The following UNC5C variants were observed in gnomAD, a reference collection of about 807,000 sequenced individuals.
UNC5C encodes netrin receptor UNC5C.
A neutral mutation model predicts 99.8 loss-of-function variants in UNC5C; 47 were observed. The ratio of observed to expected loss-of-function variants is 0.47; its 90% CI spans 0.37 to 0.60. The LOEUF is 0.60. UNC5C is among the 20% of genes least tolerant of loss of function. The probability of loss-of-function intolerance (pLI) is 0.00; values close to 1 mark genes in which losing one functional copy is unlikely to be tolerated. For synonymous variants in UNC5C, 487 were observed against 452.2 expected, an observed-to-expected ratio of 1.08 and a Z score of -0.98; for missense variants, 1,062 against 1,165.9, an observed-to-expected ratio of 0.91 and a Z score of 1.30.
intron 4 of UNC5C, among the ~76,000 whole-genome samples, chr4:95,271,372 C>A (rs1001556319): frequency 6.6e-6 from 1 of 151,668 alleles, no homozygotes; most frequent in Non-Finnish European, 1.5e-5. Context: ...GGACTACAGG[C>A]GCCCGCCACC....
In UNC5C at chr4:95,276,292, A is replaced by G. The variant is rs191885417; in HGVS notation, c.594+1967T>C. Among the ~76,000 whole-genome samples the G allele has an allele frequency of 3.9e-5, 6 of 152,312 alleles. No individual in the cohort carries two copies. In the East Asian group the frequency reaches 9.7e-4, roughly 25 times the overall value. On this transcript the variant is annotated intron_variant, in intron 4 of 15. Coordinates refer to ENST00000453304, the MANE Select transcript of UNC5C (RefSeq NM_003728.4). ...CTCTTCTGACTTTAAAAAATGAAAA[A>G]GAAATGCATATTAAATATAGTTCTT...
intron 1 of UNC5C, among the ~76,000 whole-genome samples, chr4:95,365,971 T>C (rs1311825660): frequency 6.6e-6 from 1 of 152,012 alleles, no homozygotes; most frequent in Non-Finnish European, 1.5e-5. Context: ...AATTATAAGC[T>C]GTAATATGCT....
At chr4:95,288,033 G>T (rs1741298420) in intron 3 of UNC5C, among the ~76,000 whole-genome samples, 1 of 149,982 alleles carries the variant, frequency 6.7e-6, no homozygotes, top group Non-Finnish European at 1.5e-5. Context: ...TGTCTTACAA[G>T]TCACATAGTC....
chr4:95,533,639 C>G (rs1395581019), intron 1 of UNC5C, among the ~76,000 whole-genome samples: 1 of 151,944 alleles, frequency 6.6e-6, no homozygotes, highest in Non-Finnish European at 1.5e-5. Flanking sequence ...CTTCTACATC[C>G]TCGATGAAGT....
intron 12 of UNC5C, among the ~76,000 whole-genome samples, chr4:95,197,942 T>G (rs760266859): frequency 6.6e-6 from 1 of 151,226 alleles, no homozygotes; most frequent in South Asian, 2.1e-4. Flanking sequence ...GGAGGGTTTT[T>G]GGACTGGGAA....
At chr4:95,542,074 G>A (rs536406627) in intron 1 of UNC5C, among the ~76,000 whole-genome samples, 4 of 152,166 alleles carry the variant, frequency 2.6e-5, no homozygotes, top group South Asian at 4.2e-4. Flanking sequence ...ATGACAACAT[G>A]ATTAATGAAG....
chr4:95,548,047 T>G (rs1048814633), intron 1 of UNC5C, among the ~76,000 whole-genome samples: 2 of 152,198 alleles, frequency 1.3e-5, no homozygotes, highest in Non-Finnish European at 1.5e-5. Context: ...GATTTTCATT[T>G]CTACATCCCC....
chr4:95,228,881 G>T (rs1348643381), intron 7 of UNC5C, among the ~76,000 whole-genome samples: 1 of 152,100 alleles, frequency 6.6e-6, no homozygotes, highest in East Asian at 1.9e-4. Flanking sequence ...TTTCCAAACA[G>T]TGTCTTCTGT....
intron 1 of UNC5C, among the ~76,000 whole-genome samples, chr4:95,357,032 T>C (rs1744228542): frequency 1.3e-5 from 2 of 152,312 alleles, no homozygotes; most frequent in South Asian, 4.1e-4. Flanking sequence ...GTAAGGTCTG[T>C]GACAACATTT....
At chr4:95,494,044 C>G (rs546239718) in intron 1 of UNC5C, among the ~76,000 whole-genome samples, 1 of 151,360 alleles carries the variant, frequency 6.6e-6, no homozygotes, top group Non-Finnish European at 1.5e-5. Context: ...ATTAAAACTG[C>G]AGGAATCAGT....
chr4:95,444,416 C>G (rs1410483539), intron 1 of UNC5C, among the ~76,000 whole-genome samples: 5 of 151,892 alleles, frequency 3.3e-5, no homozygotes, highest in African/African-American at 1.2e-4. Flanking sequence ...CTGCAGGATC[C>G]GCCCCCCTGG....
At chr4:95,339,752 C>G (rs1368414643) in intron 1 of UNC5C, among the ~76,000 whole-genome samples, 1 of 152,092 alleles carries the variant, frequency 6.6e-6, no homozygotes, top group South Asian at 2.1e-4. Flanking sequence ...CTGCATTGTG[C>G]TATCTGGGCA....
chr4:95,512,967 A>G (rs1182882072), intron 1 of UNC5C, among the ~76,000 whole-genome samples: 1 of 152,228 alleles, frequency 6.6e-6, no homozygotes, highest in African/African-American at 2.4e-5. Context: ...GATGCTCTGC[A>G]TCTACGTGCA....
intron 3 of UNC5C, among the ~76,000 whole-genome samples, chr4:95,290,424 T>G (rs1390637196): frequency 1.3e-5 from 2 of 152,040 alleles, no homozygotes; most frequent in Non-Finnish European, 2.9e-5. Context: ...TGCAGTTCCC[T>G]CTATAGTTTG....
intron 1 of UNC5C, among the ~76,000 whole-genome samples, chr4:95,387,139 CTCTTTT>C (rs1244284906): frequency 2.6e-5 from 4 of 152,030 alleles, no homozygotes; most frequent in African/African-American, 4.8e-5. Flanking sequence ...CACTCTCTCT[CTCTTTT>C]TATTTTTTTT....
At chr4:95,322,156 G>A (rs1428524244) in intron 2 of UNC5C, among the ~76,000 whole-genome samples, 3 of 152,176 alleles carry the variant, frequency 2.0e-5, no homozygotes, top group Non-Finnish European at 4.4e-5. Context: ...TAAAATTTAA[G>A]CAAAACCCAC....
At chr4:95,186,859 T>C (rs1046143166) in intron 12 of UNC5C, among the ~76,000 whole-genome samples, 6 of 152,206 alleles carry the variant, frequency 3.9e-5, no homozygotes, top group Middle Eastern at 3.4e-3. Context: ...TTGACACATA[T>C]GTTGTGTCAT....
chr4:95,189,115 T>A (rs975111929), intron 12 of UNC5C, among the ~76,000 whole-genome samples: 1 of 152,212 alleles, frequency 6.6e-6, no homozygotes, highest in Non-Finnish European at 1.5e-5. Context: ...GGCCTCTTTG[T>A]TCTCAGAAAC....
chr4:95,201,336 CT>C (rs1327825707), intron 12 of UNC5C, among the ~76,000 whole-genome samples: 1 of 152,092 alleles, frequency 6.6e-6, no homozygotes, highest in Non-Finnish European at 1.5e-5. Context: ...TTGAACAGGA[CT>C]TTTTAGGCTT....
Sources: gnomAD v4.1 joint callset for allele counts (sites outside exome capture counted in the v4.1 genomes callset) on GRCh38, gnomAD v4.1.1 for gene constraint, MANE v1.5 for transcripts, NCBI Gene and HGNC (gene_info 2026-07-23, HGNC 2026-07-21) for gene names.